Variants in HYCC2 observed in about 807,000 individuals in gnomAD.
The protein encoded by HYCC2 is hyccin 2.
the HYCC2 span, chr2:201,022,889 T>C: frequency 1.2e-6 from 2 of 1,613,676 alleles, no homozygotes; most frequent in African/African-American, 2.7e-5. Flanking sequence ...TTTTTTCCGG[T>C]GTAAAGTTGC....
At chr2:200,992,849 A>T in the HYCC2 span, 62 of 1,221,494 alleles carry the variant, frequency 5.1e-5, no homozygotes, top group Non-Finnish European at 8.4e-6. Context: ...TCTAAACATT[A>T]GGAAGAATTC....
the HYCC2 span, chr2:201,063,060 T>C: frequency 1.2e-6 from 2 of 1,607,300 alleles, no homozygotes; most frequent in Non-Finnish European, 1.7e-6. Flanking sequence ...CGAAGAAGCA[T>C]CGTTAAAGTC....
At chr2:201,043,643 G>A in the HYCC2 span, among the ~76,000 whole-genome samples, 1 of 151,156 alleles carries the variant, frequency 6.6e-6, no homozygotes, top group African/African-American at 2.4e-5. Context: ...CGAGTACCTG[G>A]GACTACAGGC....
the HYCC2 span, among the ~76,000 whole-genome samples, chr2:201,007,783 G>T: frequency 6.6e-6 from 1 of 152,140 alleles, no homozygotes; most frequent in African/African-American, 2.4e-5. Context: ...TGGAGGCTGA[G>T]ATCAACCAAG....
the HYCC2 span, among the ~76,000 whole-genome samples, chr2:201,058,277 C>G: frequency 1.3e-5 from 2 of 152,198 alleles, no homozygotes. Context: ...TAATAAAACT[C>G]ATAAACTTTG....
chr2:201,050,244 C>A, the HYCC2 span, among the ~76,000 whole-genome samples: 4 of 146,452 alleles, frequency 2.7e-5, no homozygotes, highest in Non-Finnish European at 1.5e-5. Context: ...CCAAAACAAA[C>A]AAAAAAAACC....
At chr2:201,065,399 G>A in the HYCC2 span, among the ~76,000 whole-genome samples, 1 of 152,196 alleles carries the variant, frequency 6.6e-6, no homozygotes, top group Non-Finnish European at 1.5e-5. Flanking sequence ...GATGCTATGA[G>A]AATTCACACA....
chr2:201,035,900 G>A, the HYCC2 span, among the ~76,000 whole-genome samples: 4 of 152,112 alleles, frequency 2.6e-5, no homozygotes, highest in African/African-American at 9.7e-5. Context: ...ATCAGCAGTG[G>A]AGGCTGCAGA....
chr2:201,001,150 A>T, the HYCC2 span, among the ~76,000 whole-genome samples: 5 of 151,632 alleles, frequency 3.3e-5, no homozygotes, highest in East Asian at 7.7e-4. Context: ...AAAAAAAAAA[A>T]AAAAAGAGAT....
At chr2:201,003,345 A>G in the HYCC2 span, among the ~76,000 whole-genome samples, 3 of 152,164 alleles carry the variant, frequency 2.0e-5, no homozygotes, top group East Asian at 1.9e-4. Flanking sequence ...CAATGTGTCC[A>G]GCCCAAGACT....
the HYCC2 span, among the ~76,000 whole-genome samples, chr2:201,048,076 T>C: frequency 6.6e-6 from 1 of 152,082 alleles, no homozygotes; most frequent in East Asian, 1.9e-4. Context: ...TATAAGGAAA[T>C]GTTAATAGTG....
chr2:201,018,361 AAAG>A, the HYCC2 span, among the ~76,000 whole-genome samples: 31 of 152,182 alleles, frequency 2.0e-4, no homozygotes, highest in African/African-American at 7.5e-4. Context: ...CTTTAAAAAA[AAAG>A]AATAATAGTT....
chr2:200,991,649 C>T, the HYCC2 span, among the ~76,000 whole-genome samples: 15 of 151,826 alleles, frequency 9.9e-5, no homozygotes, highest in African/African-American at 1.9e-4. Flanking sequence ...ATGGGAGGAT[C>T]GCTTGAACCC....
At chr2:201,006,814 G>C in the HYCC2 span, among the ~76,000 whole-genome samples, 1 of 152,162 alleles carries the variant, frequency 6.6e-6, no homozygotes, top group Non-Finnish European at 1.5e-5. Context: ...TTGGTCATAT[G>C]TATTGGAAAT....
chr2:201,013,552 G>A, the HYCC2 span, among the ~76,000 whole-genome samples: 8 of 151,422 alleles, frequency 5.3e-5, no homozygotes, highest in South Asian at 4.2e-4. Flanking sequence ...AAGAACTTCC[G>A]TATAGGGCTC....
chr2:201,060,057 G>GA, the HYCC2 span, among the ~76,000 whole-genome samples: 1 of 132,554 alleles, frequency 7.5e-6, no homozygotes, highest in African/African-American at 3.5e-5. Context: ...AAAAAAGCGG[G>GA]GGGGGGGGGG....
the HYCC2 span, among the ~76,000 whole-genome samples, chr2:201,033,548 C>T: frequency 1.3e-4 from 19 of 151,896 alleles, no homozygotes; most frequent in Middle Eastern, 3.4e-3. Flanking sequence ...GGACTACAGG[C>T]GCCCGCCACC....
the HYCC2 span, chr2:201,063,094 T>C: frequency 3.1e-6 from 5 of 1,609,140 alleles, no homozygotes; most frequent in East Asian, 8.9e-5. Flanking sequence ...CCGTCATGTC[T>C]AAGTCAGAGT....
At chr2:200,996,212 T>A in the HYCC2 span, 1 of 152,180 alleles carries the variant, frequency 6.6e-6, no homozygotes, top group African/African-American at 2.4e-5. Flanking sequence ...TATTTTTGTA[T>A]AGAGACAGGG....
Sources: allele counts gnomAD v4.1 joint callset (sites outside exome capture counted in the v4.1 genomes callset), GRCh38; gene constraint gnomAD v4.1.1; transcripts MANE v1.5; gene names NCBI Gene and HGNC (gene_info 2026-07-23, HGNC 2026-07-21).